PRKCI: variants seen among roughly 807,000 people sequenced by gnomAD.
The protein encoded by PRKCI is protein kinase C iota type.
PRKCI carries 43 observed loss-of-function variants against 84.0 expected under a neutral mutation model. That is an observed-to-expected ratio of 0.51 (90% confidence interval 0.40 to 0.66). PRKCI has a LOEUF of 0.66. PRKCI is among the 30% of genes least tolerant of loss of function. The pLI is 0.00. For synonymous variants in PRKCI, 216 were observed against 234.4 expected (o/e 0.92, Z 0.72); for missense variants, 459 against 745.6 (o/e 0.62, Z 4.48).
intron 2 of PRKCI, among the ~76,000 whole-genome samples, chr3:170,243,063 CAT>C (rs1178094549): frequency 2.0e-5 from 3 of 152,032 alleles, no homozygotes; most frequent in South Asian, 2.1e-4. Context: ...GTATAATTGA[CAT>C]ATATATGTAT....
chr3:170,289,586 C>T (rs911153782), intron 12 of PRKCI, among the ~76,000 whole-genome samples: 17 of 151,996 alleles, frequency 1.1e-4, no homozygotes. Flanking sequence ...CCAACCTGGC[C>T]AACATGGCAA....
chr3:170,281,174 T>C lies in PRKCI; in HGVS notation c.891T>C (p.Asp297=), dbSNP rs1300351272. 1 of 1,612,446 alleles carries C rather than the reference T, an allele frequency of 6.2e-7. No individual in the cohort carries two copies. Among genetic ancestry groups the C allele is most frequent in the South Asian group, 1.1e-5 (1 of 90,988 alleles). The change falls in exon 10 of 18, where the codon GAT becomes GAC. Residue 297 remains aspartate, a synonymous_variant. Coordinates refer to ENST00000295797, the MANE Select transcript of PRKCI (RefSeq NM_002740.6). ...TACATGTTTCAAAATAGGATATTGATTGGGTACAGACAGAGAAGCATGTGT... is the reference window on the plus strand; with the variant it reads ...TACATGTTTCAAAATAGGATATTGACTGGGTACAGACAGAGAAGCATGTGT... The part of the protein sequence containing the change: ...KELVNDDEDI[D]WVQTEKHVFE...
At chr3:170,282,103 C>G (rs1327405907) in intron 11 of PRKCI, 135 bp downstream of exon 11, 2 of 841,360 alleles carry the variant, frequency 2.4e-6, no homozygotes, top group African/African-American at 3.5e-5. Context: ...AGAGGCTGAG[C>G]TAAAAGTTAA....
chr3:170,258,062 A>G (rs889793907), intron 2 of PRKCI, among the ~76,000 whole-genome samples: 1 of 152,082 alleles, frequency 6.6e-6, no homozygotes, highest in Non-Finnish European at 1.5e-5. Context: ...AGCTCAGAGA[A>G]GATAAAAGGA....
At chr3:170,299,988 C>A (rs569018749) in intron 17 of PRKCI, among the ~76,000 whole-genome samples, 89 of 152,168 alleles carry the variant, frequency 5.8e-4, no homozygotes, top group African/African-American at 2.1e-3. Flanking sequence ...ATTTTTTGTG[C>A]TTATACTTCA....
chr3:170,255,512 C>A (rs902412998), intron 2 of PRKCI, among the ~76,000 whole-genome samples: 2 of 152,132 alleles, frequency 1.3e-5, no homozygotes, highest in Admixed American at 6.5e-5. Context: ...TCATATCCTT[C>A]GACTTTACTG....
Position 170,270,480 on chromosome 3 carries a change from G to A in PRKCI, c.510G>A (p.Lys170=), listed in dbSNP as rs1215223306. Residue 170 remains lysine, a synonymous_variant, in exon 6 of 18, where the codon AAG becomes AAA. Coordinates refer to ENST00000295797, the MANE Select transcript of PRKCI (RefSeq NM_002740.6). ...RIWGLGRQGY[K]CINCKLLVHK... The stretch of plus-strand genomic sequence containing the variant: ...GGGGACTTGGACGCCAAGGATATAA[G>A]TGCATCAACTGCAAACTCTTGGTTC... The A allele has an allele frequency of 6.2e-7, 1 of 1,613,728 alleles. No individual in the cohort carries two copies. Among genetic ancestry groups the A allele is most frequent in the African/African-American group, 1.3e-5 (1 of 74,912 alleles).
At chr3:170,226,879 AAAAT>A (rs1732639172) in intron 1 of PRKCI, among the ~76,000 whole-genome samples, 1 of 152,176 alleles carries the variant, frequency 6.6e-6, no homozygotes, top group Non-Finnish European at 1.5e-5. Context: ...AAGAGAGAAA[AAAAT>A]AGAGCATGCT....
In PRKCI at chr3:170,222,502, G is replaced by A. The variant is rs1239748869; in HGVS notation, c.-168G>A. ...GCAGTGGGAGGAGCCGCGCGGTTCC[G>A]GCTGCTCCGGCGAGGCGACCCTTGG... On this transcript the variant is annotated 5_prime_UTR_variant, in exon 1 of 18. Transcript: ENST00000295797. The A allele has an allele frequency of 5.5e-6, 3 of 547,152 alleles. No homozygotes were observed. Among genetic ancestry groups the A allele is most frequent in the African/African-American group, 2.0e-5 (1 of 50,122 alleles). 33.9% of individuals were successfully genotyped at this position (547,152 alleles called of 1,614,324 possible).
intron 8 of PRKCI, among the ~76,000 whole-genome samples, chr3:170,277,312 A>C (rs775227563): frequency 2.0e-4 from 30 of 152,208 alleles, no homozygotes; most frequent in Non-Finnish European, 4.3e-4. Context: ...ACCTATAAGC[A>C]GCCAACACAC....
At chr3:170,267,134 A>G (rs977190228) in intron 4 of PRKCI, among the ~76,000 whole-genome samples, 1 of 152,058 alleles carries the variant, frequency 6.6e-6, no homozygotes, top group Admixed American at 6.6e-5. Context: ...GGGGTGCGGA[A>G]TATCCTTAAT....
chr3:170,257,788 C>T (rs768897337), intron 2 of PRKCI, among the ~76,000 whole-genome samples: 1 of 151,794 alleles, frequency 6.6e-6, no homozygotes, highest in Non-Finnish European at 1.5e-5. Flanking sequence ...CCTTAGCCTC[C>T]TGAGTAGCTG....
At chr3:170,250,806 T>C (rs1733424901) in intron 2 of PRKCI, among the ~76,000 whole-genome samples, 1 of 152,198 alleles carries the variant, frequency 6.6e-6, no homozygotes, top group Admixed American at 6.5e-5. Flanking sequence ...TTTACCTTCC[T>C]ACCAGCAGTG....
chr3:170,293,387 C>G lies in PRKCI; in HGVS notation c.1296C>G (p.Phe432Leu), dbSNP rs1483055491. The G allele has an allele frequency of 1.2e-6, 2 of 1,607,718 alleles. No individual in the cohort carries two copies. Among genetic ancestry groups the G allele is most frequent in the Admixed American group, 3.4e-5 (2 of 58,296 alleles). ...CTTTAAAATTTCTTTCTGAAGGTTTCAGTGTTGACTGGTGGGCTCTTGGAG... is the reference window on the plus strand; with the variant it reads ...CTTTAAAATTTCTTTCTGAAGGTTTGAGTGTTGACTGGTGGGCTCTTGGAG... ...PEILRGEDYG[F>L]SVDWWALGVL... Residue 432 changes from phenylalanine (F) to leucine (L), a missense_variant, in exon 14 of 18, where the codon TTC (phenylalanine) becomes TTG (leucine). Physicochemically the swap from Phe to Leu is conservative, Grantham distance 22 (BLOSUM62 0). This residue lies in a region of PRKCI where 209 missense variants were observed against 425.9 expected (regional missense o/e 0.49). Coordinates refer to ENST00000295797, the MANE Select transcript of PRKCI (RefSeq NM_002740.6).
intron 15 of PRKCI, among the ~76,000 whole-genome samples, chr3:170,296,207 C>T (rs755808912): frequency 1.8e-4 from 28 of 152,116 alleles, no homozygotes; most frequent in Non-Finnish European, 3.7e-4. Flanking sequence ...AATTTACTCC[C>T]CAGCTATATA....
At chr3:170,288,116 G>A (rs1236045213) in intron 12 of PRKCI, among the ~76,000 whole-genome samples, 4 of 151,196 alleles carry the variant, frequency 2.6e-5, no homozygotes, top group Admixed American at 6.6e-5. Context: ...CGTGGTGGCG[G>A]ACGCCTGTAG....
intron 2 of PRKCI, among the ~76,000 whole-genome samples, chr3:170,242,394 T>C (rs1306524066): frequency 6.7e-6 from 1 of 149,754 alleles, no homozygotes; most frequent in African/African-American, 2.5e-5. Context: ...TGAGCCAAGA[T>C]TGCACCACTG....
chr3:170,278,766 G>A lies in PRKCI; in HGVS notation c.706-1461G>A, dbSNP rs1006901888. ...AGGCTGATCAGTAAGTATTGCACTAGCATCTGCTTCTCAGGAAGCTTTCAG... is the reference window on the plus strand; with the variant it reads ...AGGCTGATCAGTAAGTATTGCACTAACATCTGCTTCTCAGGAAGCTTTCAG... On this transcript the variant is annotated intron_variant, in intron 8 of 17. Transcript: ENST00000295797. 2.6e-5 allele frequency among the ~76,000 whole-genome samples: 4 copies of A among 152,340 alleles called. No individual in the cohort carries two copies. In the East Asian group the frequency reaches 5.8e-4, roughly 22 times the overall value.
At chr3:170,267,845 A>T in intron 4 of PRKCI, 70 bp from the exon 5 acceptor site, 1 of 1,166,756 alleles carries the variant, frequency 8.6e-7, no homozygotes, top group Non-Finnish European at 1.2e-6. Flanking sequence ...AAAATTACAG[A>T]CTTAATTATA....
Sources: allele counts gnomAD v4.1 joint callset (sites outside exome capture counted in the v4.1 genomes callset), GRCh38; gene constraint gnomAD v4.1.1; regional missense constraint gnomAD v4.1.1; transcripts MANE v1.5; gene names NCBI Gene and HGNC (gene_info 2026-07-23, HGNC 2026-07-21).